The following CTNNA3 variants were observed in gnomAD, a reference collection of about 807,000 sequenced individuals.
CTNNA3 encodes the protein catenin alpha-3.
Under a neutral mutation model 95.7 loss-of-function variants are expected in CTNNA3, and 76 were observed. The ratio of observed to expected loss-of-function variants is 0.79; its 90% CI spans 0.66 to 0.96. The LOEUF (loss-of-function observed/expected upper bound fraction) is 0.96, where lower values mean the gene tolerates loss of function less well. Among genes scored for constraint, CTNNA3 ranks in the 40% least tolerant of loss-of-function variants. The pLI is 0.00. For synonymous variants in CTNNA3, 431 were observed against 374.4 expected (o/e 1.15, Z -1.74); for missense variants, 1,191 against 1,089.8 (o/e 1.09, Z -1.31).
chr10:66,170,727 C>CAAAAAAAAAA (rs34828048), intron 13 of CTNNA3, among the ~76,000 whole-genome samples: 1 of 137,352 alleles, frequency 7.3e-6, no homozygotes, highest in Non-Finnish European at 1.6e-5. Flanking sequence ...AATGTTTACC[C>CAAAAAAAAAA]AAAAAAAAAA....
intron 3 of CTNNA3, among the ~76,000 whole-genome samples, chr10:67,577,033 T>C (rs1307995441): frequency 6.6e-6 from 1 of 150,600 alleles, no homozygotes; most frequent in African/African-American, 2.5e-5. Context: ...TGTGTCTTTA[T>C]AGCAGCATGA....
rs563083265 is a variant in CTNNA3 at position 67,114,502 on chromosome 10, T to C, written c.1047+65815A>G. On this transcript the variant is annotated intron_variant, in intron 7 of 17. Transcript: ENST00000433211. ...CACAAAATGTATTTATTCTGGAGTCTCTGTAGATTTTTTTTATTGTTTTTC... is the reference window on the plus strand; with the variant it reads ...CACAAAATGTATTTATTCTGGAGTCCCTGTAGATTTTTTTTATTGTTTTTC... 2.2e-3 allele frequency among the ~76,000 whole-genome samples: 337 copies of C among 152,256 alleles called. 2 individuals are homozygous for C. Among genetic ancestry groups the C allele is most frequent in the African/African-American group, 7.7e-3 (318 of 41,562 alleles).
intron 7 of CTNNA3, among the ~76,000 whole-genome samples, chr10:67,176,218 G>C (rs151048197): frequency 3.9e-5 from 6 of 152,098 alleles, no homozygotes; most frequent in Non-Finnish European, 7.4e-5. Flanking sequence ...TTCCAGAAGA[G>C]ATTTAATGCT....
intron 1 of CTNNA3, among the ~76,000 whole-genome samples, chr10:67,658,293 T>C (rs3125319): frequency 0.45 from 67,819 of 152,068 alleles, 19,001 homozygotes; most frequent in African/African-American, 0.8. Context: ...TAAGAAAATC[T>C]ATATAAAATC....
At chr10:67,754,747 ACAACC>A (rs1841424179) in intron 1 of CTNNA3, among the ~76,000 whole-genome samples, 1 of 152,204 alleles carries the variant, frequency 6.6e-6, no homozygotes, top group Non-Finnish European at 1.5e-5. Context: ...AAGTGCAAAA[ACAACC>A]CATAGAACGG....
At chr10:66,554,039 A>G (rs1842316824) in intron 10 of CTNNA3, among the ~76,000 whole-genome samples, 1 of 151,646 alleles carries the variant, frequency 6.6e-6, no homozygotes, top group Non-Finnish European at 1.5e-5. Flanking sequence ...ACACAGAGTC[A>G]TTTTTCTTCT....
rs571056353 is a variant in CTNNA3, at chr10:67,279,197, C to T, written c.580-59327G>A. Among the ~76,000 whole-genome samples, 12 of 152,204 alleles carry T rather than the reference C, an allele frequency of 7.9e-5. No individual in the cohort carries two copies. In the South Asian group the frequency reaches 2.5e-3, roughly 32 times the overall value. On this transcript the variant is annotated intron_variant, in intron 5 of 17. Transcript: ENST00000433211. ...CCTAGAGTCTAAGCAACACCAAGCC[C>T]TCAAAAGACTAAGGACACATAACAA...
intron 10 of CTNNA3, among the ~76,000 whole-genome samples, chr10:66,603,591 A>C: frequency 6.6e-6 from 1 of 152,298 alleles, no homozygotes; most frequent in African/African-American, 2.4e-5. Context: ...AAAATCCTAA[A>C]ATGTGTATGG....
chr10:67,569,918 T>G (rs957626110), intron 3 of CTNNA3, among the ~76,000 whole-genome samples: 1 of 152,130 alleles, frequency 6.6e-6, no homozygotes, highest in Non-Finnish European at 1.5e-5. Context: ...ATTCTACAAT[T>G]ACCTTTTTTT....
intron 13 of CTNNA3, among the ~76,000 whole-genome samples, chr10:66,173,532 A>C (rs1170378958): frequency 6.6e-6 from 1 of 152,032 alleles, no homozygotes; most frequent in East Asian, 1.9e-4. Context: ...ATTAAAAAAA[A>C]ATTAGCCAGG....
intron 5 of CTNNA3, among the ~76,000 whole-genome samples, chr10:67,447,412 C>A (rs909159853): frequency 6.6e-6 from 1 of 152,176 alleles, no homozygotes; most frequent in African/African-American, 2.4e-5. Flanking sequence ...TGTTTTCTTT[C>A]TCAACTACCT....
intron 9 of CTNNA3, among the ~76,000 whole-genome samples, chr10:66,652,976 G>A (rs992207628): frequency 3.9e-5 from 6 of 151,986 alleles, no homozygotes; most frequent in Non-Finnish European, 7.4e-5. Flanking sequence ...AGATATACAA[G>A]GAACATACCT....
chr10:66,315,102 A>C (rs546847012), intron 12 of CTNNA3, among the ~76,000 whole-genome samples: 1 of 152,200 alleles, frequency 6.6e-6, no homozygotes, highest in African/African-American at 2.4e-5. Flanking sequence ...TTTCTTTATT[A>C]ATAAATTTTA....
chr10:67,654,513 G>A (rs529625968), intron 1 of CTNNA3, among the ~76,000 whole-genome samples: 3 of 150,814 alleles, frequency 2.0e-5, no homozygotes, highest in Admixed American at 6.6e-5. Context: ...TGGAGGCAGG[G>A]TCACTCTGTT....
chr10:67,555,222 G>T (rs1229107044), intron 3 of CTNNA3, among the ~76,000 whole-genome samples: 4 of 152,140 alleles, frequency 2.6e-5, no homozygotes, highest in African/African-American at 4.8e-5. Context: ...GCTTAGGATT[G>T]TCTTGGCAAT....
chr10:67,248,642 G>C (rs536732233), intron 5 of CTNNA3, among the ~76,000 whole-genome samples: 1 of 152,036 alleles, frequency 6.6e-6, no homozygotes, highest in South Asian at 2.1e-4. Context: ...TCCTAGGCTG[G>C]TCGCAAACTC....
intron 12 of CTNNA3, among the ~76,000 whole-genome samples, chr10:66,374,375 T>G (rs142077771): frequency 3.9e-5 from 6 of 152,136 alleles, no homozygotes; most frequent in South Asian, 2.1e-4. Flanking sequence ...GTGTTTAGAA[T>G]GATTATATTT....
At chr10:67,726,318 T>TATG (rs373179754) in intron 1 of CTNNA3, among the ~76,000 whole-genome samples, 4,872 of 69,990 alleles carry the variant, frequency 0.07, 217 homozygotes, top group African/African-American at 0.15. Flanking sequence ...ACATATTATA[T>TATG]ATATTATCTT....
At chr10:65,956,408 A>G (rs1419933847) in intron 17 of CTNNA3, among the ~76,000 whole-genome samples, 2 of 152,020 alleles carry the variant, frequency 1.3e-5, no homozygotes, top group Admixed American at 6.6e-5. Flanking sequence ...CTCTGATCTT[A>G]GTTATTCTTG....
Sources: gnomAD v4.1 joint callset for allele counts (sites outside exome capture counted in the v4.1 genomes callset) on GRCh38, gnomAD v4.1.1 for gene constraint, MANE v1.5 for transcripts, NCBI Gene and HGNC (gene_info 2026-07-23, HGNC 2026-07-21) for gene names.